The following CCSER1 variants were observed in gnomAD, a reference collection of about 807,000 sequenced individuals.
The protein encoded by CCSER1 is coiled-coil serine rich protein 1.
CCSER1 carries 41 observed loss-of-function variants against 82.0 expected under a neutral mutation model. The observed-to-expected ratio is 0.50, with a 90% CI of 0.39 to 0.65. The LOEUF is 0.65. CCSER1 is among the 30% of genes least tolerant of loss of function. The probability of loss-of-function intolerance (pLI) is 0.00; values close to 1 mark genes in which losing one functional copy is unlikely to be tolerated. For synonymous variants in CCSER1, 414 were observed against 383.9 expected, an observed-to-expected ratio of 1.08 and a Z score of -0.92; for missense variants, 1,119 against 1,064.2, an observed-to-expected ratio of 1.05 and a Z score of -0.72.
At chr4:90,225,092 T>C (rs4693235) in intron 1 of CCSER1, among the ~76,000 whole-genome samples, 151,824 of 151,826 alleles carry the variant, frequency 1, 75,911 homozygotes, top group Middle Eastern at 1. Context: ...TGAGACAGTT[T>C]TCACTCCATT....
intron 10 of CCSER1, among the ~76,000 whole-genome samples, chr4:91,343,482 T>G (rs1747857219): frequency 2.6e-5 from 4 of 152,154 alleles, no homozygotes; most frequent in Admixed American, 2.0e-4. Flanking sequence ...AAATACATTT[T>G]CTAGAGATAA....
At chr4:90,983,108 T>C (rs1304450546) in intron 9 of CCSER1, among the ~76,000 whole-genome samples, 3 of 151,776 alleles carry the variant, frequency 2.0e-5, no homozygotes, top group Admixed American at 2.0e-4. Flanking sequence ...AACACATTCT[T>C]TCATGAATCA....
At chr4:90,433,871 T>G (rs1005139906) in intron 4 of CCSER1, among the ~76,000 whole-genome samples, 33 of 139,040 alleles carry the variant, frequency 2.4e-4, no homozygotes, top group Admixed American at 8.2e-4. Flanking sequence ...TTCCTGGAGA[T>G]ATATATATAT....
chr4:91,571,420 G>A (rs1420019200), intron 10 of CCSER1, among the ~76,000 whole-genome samples: 2 of 152,072 alleles, frequency 1.3e-5, no homozygotes, highest in Non-Finnish European at 2.9e-5. Flanking sequence ...TCTGAGACTG[G>A]GTAATTTATA....
intron 3 of CCSER1, among the ~76,000 whole-genome samples, chr4:90,315,130 G>A (rs917244266): frequency 5.9e-5 from 9 of 151,998 alleles, no homozygotes; most frequent in Non-Finnish European, 7.4e-5. Flanking sequence ...GATTACAAGC[G>A]TGAGCCACCA....
intron 8 of CCSER1, among the ~76,000 whole-genome samples, chr4:90,851,573 C>CTTTT (rs35593031): frequency 7.7e-6 from 1 of 129,800 alleles, no homozygotes; most frequent in African/African-American, 2.8e-5. Context: ...ACTTATAGAG[C>CTTTT]TTTTTTTTTT....
intron 1 of CCSER1, among the ~76,000 whole-genome samples, chr4:90,244,893 T>C (rs73832730): frequency 6.6e-6 from 1 of 152,116 alleles, no homozygotes; most frequent in South Asian, 2.1e-4. Context: ...GACAGGTGAA[T>C]AGAAAATGAG....
chr4:90,786,444 T>C (rs1754529355), intron 7 of CCSER1, among the ~76,000 whole-genome samples: 1 of 152,178 alleles, frequency 6.6e-6, no homozygotes, highest in Non-Finnish European at 1.5e-5. Flanking sequence ...ATTTCCCAGA[T>C]AATGTATTTT....
chr4:90,930,268 A>G (rs1164724534), intron 9 of CCSER1, among the ~76,000 whole-genome samples: 1 of 152,040 alleles, frequency 6.6e-6, no homozygotes, highest in Non-Finnish European at 1.5e-5. Context: ...CTGCCTTAGG[A>G]GTCTCTTAGA....
Position 91,601,480 on chromosome 4 carries a change from C to T in CCSER1, c.*2423C>T, listed in dbSNP as rs143349832. 2.7e-3 allele frequency: 411 copies of T among 152,106 alleles called. 1 individual carries two copies. The highest frequency in any genetic ancestry group is 9.4e-3 in the African/African-American group (392 of 41,554). The allele number at this position is 152,106 out of a possible 1,614,324, so 9.4% of individuals were successfully genotyped here. A position where few individuals can be genotyped will look rare whatever the true frequency, so the allele number is the denominator to read the frequency against. On this transcript the variant is annotated 3_prime_UTR_variant, in exon 11 of 11. Transcript: ENST00000509176. The stretch of plus-strand genomic sequence containing the variant: ...CCACTATGCTAATGTACATCAGTAA[C>T]TGTAAAACAGGGGTTCTTTGTAAGT...
chr4:91,141,789 T>C (rs746000627), intron 10 of CCSER1, among the ~76,000 whole-genome samples: 1 of 152,096 alleles, frequency 6.6e-6, no homozygotes, highest in Non-Finnish European at 1.5e-5. Context: ...TCACCAACAG[T>C]TGTTTTTGGC....
intron 5 of CCSER1, among the ~76,000 whole-genome samples, chr4:90,558,778 G>T (rs566628717): frequency 6.6e-6 from 1 of 152,258 alleles, no homozygotes; most frequent in African/African-American, 2.4e-5. Context: ...ATGTGGGAAT[G>T]AGTATATTTT....
chr4:90,974,357 A>G (rs1561436246), intron 9 of CCSER1, among the ~76,000 whole-genome samples: 1 of 145,360 alleles, frequency 6.9e-6, no homozygotes, highest in Non-Finnish European at 1.5e-5. Flanking sequence ...AAAACATTAC[A>G]TTGTATACAT....
chr4:90,290,533 G>T (rs1012467036), intron 1 of CCSER1, among the ~76,000 whole-genome samples: 4 of 151,980 alleles, frequency 2.6e-5, no homozygotes, highest in African/African-American at 9.6e-5. Flanking sequence ...ATCACAAAAT[G>T]TTCTCAGATC....
At chr4:90,726,566 A>AT in intron 7 of CCSER1, among the ~76,000 whole-genome samples, 1 of 152,080 alleles carries the variant, frequency 6.6e-6, no homozygotes, top group African/African-American at 2.4e-5. Context: ...ATATGGCAGC[A>AT]TTTTTCAACT....
chr4:90,794,234 G>T (rs1430801463), intron 7 of CCSER1, among the ~76,000 whole-genome samples: 4 of 152,128 alleles, frequency 2.6e-5, no homozygotes, highest in African/African-American at 7.2e-5. Flanking sequence ...TGAAATATTT[G>T]CCCATGCCTA....
At chr4:90,314,938 C>G (rs1360801261) in intron 3 of CCSER1, among the ~76,000 whole-genome samples, 6 of 148,592 alleles carry the variant, frequency 4.0e-5, no homozygotes, top group Non-Finnish European at 5.9e-5. Flanking sequence ...CCTCTACCTC[C>G]CCAGTTCAAG....
At position 91,433,941 on chromosome 4, in the gene CCSER1, C is replaced by T. The variant is rs111275016; in HGVS notation, c.2218-164631C>T. On this transcript the variant is annotated intron_variant, in intron 10 of 10. Transcript: ENST00000509176. ...TAAACTAAGTCTACCTGGAAAGACACATGTTTAAGCAAATAATCATAGTAT... is the reference window on the plus strand; with the variant it reads ...TAAACTAAGTCTACCTGGAAAGACATATGTTTAAGCAAATAATCATAGTAT... 6.0e-4 allele frequency among the ~76,000 whole-genome samples: 92 copies of T among 152,266 alleles called. 2 individuals are homozygous for T. Among genetic ancestry groups the T allele is most frequent in the South Asian group, 3.9e-3 (19 of 4,818 alleles).
chr4:90,498,796 T>A (rs1769395601), intron 5 of CCSER1, among the ~76,000 whole-genome samples: 1 of 152,138 alleles, frequency 6.6e-6, no homozygotes, highest in Admixed American at 6.6e-5. Flanking sequence ...AGAAATTCTT[T>A]ATATGTGTTT....
Sources: allele counts gnomAD v4.1 joint callset (sites outside exome capture counted in the v4.1 genomes callset), GRCh38; gene constraint gnomAD v4.1.1; transcripts MANE v1.5; gene names NCBI Gene and HGNC (gene_info 2026-07-23, HGNC 2026-07-21).